The following CACNA2D3 variants were observed in gnomAD, a reference collection of about 807,000 sequenced individuals.
The protein encoded by CACNA2D3 is voltage-dependent calcium channel subunit alpha-2/delta-3.
CACNA2D3 carries 60 observed loss-of-function variants against 160.6 expected under a neutral mutation model. That is an observed-to-expected ratio of 0.37 (90% CI 0.30 to 0.46). CACNA2D3 has a LOEUF of 0.46. CACNA2D3 is among the 20% of genes least tolerant of loss of function. The probability of loss-of-function intolerance (pLI) is 1.00; values close to 1 mark genes in which losing one functional copy is unlikely to be tolerated. For missense variants in CACNA2D3, 1,205 were observed against 1,365.0 expected (o/e 0.88, Z 1.85); for synonymous variants, 558 against 492.9 (o/e 1.13, Z -1.75).
chr3:54,964,494 C>G (rs1346782816), intron 27 of CACNA2D3, among the ~76,000 whole-genome samples: 1 of 151,996 alleles, frequency 6.6e-6, no homozygotes, highest in Non-Finnish European at 1.5e-5. Context: ...ATTAGCAAGA[C>G]TGACTTAAAT....
At chr3:54,931,394 G>A (rs1023924638) in intron 27 of CACNA2D3, among the ~76,000 whole-genome samples, 1 of 152,210 alleles carries the variant, frequency 6.6e-6, no homozygotes, top group Admixed American at 6.5e-5. Context: ...TCTGACCTCA[G>A]CCAAGAGAAC....
chr3:54,599,485 C>T (rs1024159288), intron 9 of CACNA2D3, among the ~76,000 whole-genome samples: 1 of 152,132 alleles, frequency 6.6e-6, no homozygotes, highest in Admixed American at 6.5e-5. Flanking sequence ...ACACATTAAC[C>T]CACATGCTCC....
At chr3:54,256,676 C>T (rs755468122) in intron 2 of CACNA2D3, among the ~76,000 whole-genome samples, 1 of 149,076 alleles carries the variant, frequency 6.7e-6, no homozygotes, top group Non-Finnish European at 1.5e-5. Context: ...GCATTGTGCT[C>T]TCTGTTACTG....
chr3:54,893,051 A>G (rs1700104479), intron 25 of CACNA2D3, among the ~76,000 whole-genome samples: 1 of 152,182 alleles, frequency 6.6e-6, no homozygotes, highest in Non-Finnish European at 1.5e-5. Flanking sequence ...CAAGGCAGGC[A>G]GATCACTTGA....
At chr3:54,777,094 A>G (rs1702439085) in intron 13 of CACNA2D3, among the ~76,000 whole-genome samples, 1 of 152,198 alleles carries the variant, frequency 6.6e-6, no homozygotes, top group Non-Finnish European at 1.5e-5. Flanking sequence ...ATCAGCTGCC[A>G]GTTTCTCTTC....
At chr3:54,378,583 C>T (rs185577949) in intron 3 of CACNA2D3, among the ~76,000 whole-genome samples, 145 of 152,306 alleles carry the variant, frequency 9.5e-4, no homozygotes, top group African/African-American at 3.4e-3. Context: ...AGAAATAGTG[C>T]AGTTACCTCA....
intron 2 of CACNA2D3, among the ~76,000 whole-genome samples, chr3:54,283,368 T>C (rs1391713214): frequency 1.3e-5 from 2 of 152,346 alleles, no homozygotes; most frequent in Middle Eastern, 3.4e-3. Context: ...CATGGATATC[T>C]CCTGATGCTG....
chr3:54,716,651 G>T (rs1251647176), intron 11 of CACNA2D3, among the ~76,000 whole-genome samples: 1 of 152,046 alleles, frequency 6.6e-6, no homozygotes, highest in Non-Finnish European at 1.5e-5. Context: ...TGTTAGGGTG[G>T]CCCCTGTCGA....
At chr3:54,947,174 G>A (rs1701637293) in intron 27 of CACNA2D3, among the ~76,000 whole-genome samples, 1 of 152,174 alleles carries the variant, frequency 6.6e-6, no homozygotes, top group Admixed American at 6.5e-5. Context: ...TAAAGACTGA[G>A]CAGAGGCGGG....
At chr3:54,365,489 T>C (rs113665394) in intron 3 of CACNA2D3, among the ~76,000 whole-genome samples, 50 of 152,336 alleles carry the variant, frequency 3.3e-4, no homozygotes, top group African/African-American at 1.2e-3. Context: ...TCTTCTTCCC[T>C]GCCTCTTTCT....
intron 21 of CACNA2D3, 70 bp downstream of exon 21, chr3:54,880,933 G>A (rs1699781980): frequency 1.5e-6 from 2 of 1,339,938 alleles, no homozygotes; most frequent in Admixed American, 1.7e-5. Flanking sequence ...TACTGAGTTA[G>A]CTGAAGAACT....
chr3:55,051,965 C>T (rs77287452), intron 35 of CACNA2D3, among the ~76,000 whole-genome samples: 1 of 152,128 alleles, frequency 6.6e-6, no homozygotes, highest in Non-Finnish European at 1.5e-5. Context: ...TGCTTCGCCT[C>T]GTGCACGGTG....
chr3:54,148,099 TGG>T (rs1700070837), intron 2 of CACNA2D3, among the ~76,000 whole-genome samples: 1 of 152,182 alleles, frequency 6.6e-6, no homozygotes, highest in Non-Finnish European at 1.5e-5. Flanking sequence ...GCCCAGCTGA[TGG>T]GAAGGTTTTT....
At chr3:54,371,015 T>G (rs776655621) in intron 3 of CACNA2D3, among the ~76,000 whole-genome samples, 6 of 152,180 alleles carry the variant, frequency 3.9e-5, no homozygotes, top group Non-Finnish European at 8.8e-5. Flanking sequence ...TCACTGAGCC[T>G]ACCGTTTTCA....
intron 2 of CACNA2D3, among the ~76,000 whole-genome samples, chr3:54,164,992 C>T (rs1359400110): frequency 6.6e-6 from 1 of 152,222 alleles, no homozygotes; most frequent in Non-Finnish European, 1.5e-5. Flanking sequence ...ACCTCTGTTA[C>T]TGCCGCTTTC....
intron 4 of CACNA2D3, among the ~76,000 whole-genome samples, chr3:54,392,639 G>A (rs1191418300): frequency 6.6e-6 from 1 of 152,122 alleles, no homozygotes. Flanking sequence ...TGCAAATGTA[G>A]TGGCCTGATT....
At chr3:54,823,634 A>G (rs1297860810) in intron 14 of CACNA2D3, among the ~76,000 whole-genome samples, 1 of 152,230 alleles carries the variant, frequency 6.6e-6, no homozygotes, top group African/African-American at 2.4e-5. Flanking sequence ...GAATATTAAG[A>G]AGCCATAAAC....
At chr3:54,344,371 A>C (rs1002225892) in intron 3 of CACNA2D3, among the ~76,000 whole-genome samples, 1 of 152,102 alleles carries the variant, frequency 6.6e-6, no homozygotes, top group African/African-American at 2.4e-5. Flanking sequence ...TGGCTCCCCA[A>C]ATATTTGGTG....
intron 27 of CACNA2D3, among the ~76,000 whole-genome samples, chr3:54,914,058 T>C (rs1700611876): frequency 1.3e-5 from 2 of 152,308 alleles, no homozygotes; most frequent in South Asian, 4.1e-4. Flanking sequence ...GAACAAAGAA[T>C]GGTGAGGATC....
Sources: gnomAD v4.1 joint callset for allele counts (sites outside exome capture counted in the v4.1 genomes callset) on GRCh38, gnomAD v4.1.1 for gene constraint, MANE v1.5 for transcripts, NCBI Gene and HGNC (gene_info 2026-07-23, HGNC 2026-07-21) for gene names.